Variants in IL1RL2 observed in about 807,000 individuals in gnomAD.
IL1RL2 encodes interleukin 1 receptor like 2, also known as interleukin-1 receptor-like 2.
A neutral mutation model predicts 66.8 loss-of-function variants in IL1RL2; 68 were observed. That is an observed-to-expected ratio of 1.02 (90% CI 0.84 to 1.25). IL1RL2 has a LOEUF of 1.25. Among genes scored for constraint, IL1RL2 ranks in the 50% most tolerant of loss-of-function variants. IL1RL2 has a pLI of 0.00. For missense variants in IL1RL2, 729 were observed against 709.3 expected (o/e 1.03, Z -0.32); for synonymous variants, 305 against 264.6 (o/e 1.15, Z -1.48).
Position 102,219,012 on chromosome 2 carries a change from T to C in IL1RL2, c.784T>C (p.Cys262Arg). 1 of 1,613,784 alleles carries C rather than the reference T, an allele frequency of 6.2e-7. No individual in the cohort carries two copies. Among genetic ancestry groups the C allele is most frequent in the Non-Finnish European group, 8.5e-7 (1 of 1,179,686 alleles). Reference sequence around the variant, plus strand: ...CACCAAGGATAATACAAATCTACGATGCTGGAGAGTCAATAACACTTTGGT... The same window carrying C: ...CACCAAGGATAATACAAATCTACGACGCTGGAGAGTCAATAACACTTTGGT... ...TDTKDNTNLR[C>R]WRVNNTLVDD... Residue 262 changes from cysteine (C) to arginine (R), a missense_variant, in exon 7 of 12, where the codon TGC (cysteine) becomes CGC (arginine). Physicochemically the swap from Cys to Arg is radical, Grantham distance 180. Coordinates refer to ENST00000264257, the MANE Select transcript of IL1RL2 (RefSeq NM_003854.4).
At chr2:102,227,794 G>GTGTCTCTCTCAC (rs919810193) in intron 9 of IL1RL2, among the ~76,000 whole-genome samples, 2 of 152,168 alleles carry the variant, frequency 1.3e-5, no homozygotes, top group African/African-American at 4.8e-5. Flanking sequence ...GCCCCATGGT[G>GTGTCTCTCTCAC]TGTCTCTCTC....
At chr2:102,195,625 CTT>C (rs70946677) in intron 4 of IL1RL2, among the ~76,000 whole-genome samples, 2,275 of 17,256 alleles carry the variant, frequency 0.13, 35 homozygotes, top group Admixed American at 0.17. Context: ...TTCTTTCTTT[CTT>C]TCTCTCTCTC....
chr2:102,220,584 T>C (rs1342583828), intron 8 of IL1RL2, among the ~76,000 whole-genome samples: 1 of 152,154 alleles, frequency 6.6e-6, no homozygotes. Flanking sequence ...AACTTTAAAT[T>C]CGTAACCTAT....
chr2:102,208,607 T>C (rs1321774974), intron 5 of IL1RL2, among the ~76,000 whole-genome samples: 8 of 152,366 alleles, frequency 5.3e-5, no homozygotes, highest in South Asian at 4.1e-4. Context: ...TTCAGAGTAC[T>C]AGGGGAGACT....
chr2:102,213,478 A>T (rs1689352463), intron 6 of IL1RL2, among the ~76,000 whole-genome samples: 1 of 152,192 alleles, frequency 6.6e-6, no homozygotes, highest in South Asian at 2.1e-4. Flanking sequence ...AAAACATCAC[A>T]TCGTACCCAT....
Position 102,201,585 on chromosome 2 carries a change from C to G in IL1RL2, c.519C>G (p.Phe173Leu). 1 of 1,613,998 alleles carries G rather than the reference C, an allele frequency of 6.2e-7. No individual in the cohort carries two copies. Among genetic ancestry groups the G allele is most frequent in the Non-Finnish European group, 8.5e-7 (1 of 1,179,962 alleles). ...GTAACGAGATTAAAGGGGAGCGGTT[C>G]ACTGTTTTGGAAACCAGGCTTTTGG... The part of the protein sequence containing the change: ...KDCNEIKGER[F>L]TVLETRLLVS... Residue 173 changes from phenylalanine (F) to leucine (L), a missense_variant, in exon 5 of 12, where the codon TTC becomes TTG. By Grantham distance (22) the Phe-to-Leu change is conservative (BLOSUM62 0). Coordinates refer to ENST00000264257, the MANE Select transcript of IL1RL2 (RefSeq NM_003854.4).
At chr2:102,194,959 C>T (rs1289124504) in intron 4 of IL1RL2, among the ~76,000 whole-genome samples, 1 of 151,886 alleles carries the variant, frequency 6.6e-6, no homozygotes, top group Non-Finnish European at 1.5e-5. Context: ...GCATTGTAGG[C>T]CGGATGGTCT....
intron 4 of IL1RL2, among the ~76,000 whole-genome samples, chr2:102,194,862 C>T (rs1314880610): frequency 6.6e-6 from 1 of 152,078 alleles, no homozygotes; most frequent in Non-Finnish European, 1.5e-5. Flanking sequence ...ACCCTTCTGC[C>T]TCAGCCTCCT....
In IL1RL2 at chr2:102,220,004, A is replaced by T. The variant is rs1364802084; in HGVS notation, c.978A>T (p.Ile326=). 1 of 1,611,696 alleles carries T rather than the reference A, an allele frequency of 6.2e-7. No individual in the cohort carries two copies. The highest frequency in any genetic ancestry group is 1.3e-5 in the African/African-American group (1 of 75,022). ...CTGGAGTGTCCACAGCATACATTATATTACAGCTCCCAGGTAATACTCCAG... is the reference window on the plus strand; with the variant it reads ...CTGGAGTGTCCACAGCATACATTATTTTACAGCTCCCAGGTAATACTCCAG... ...CHAGVSTAYI[I]LQLPAPDFRA... The change falls in exon 8 of 12, where the codon ATA becomes ATT. Residue 326 remains isoleucine (I), a synonymous_variant. Coordinates refer to ENST00000264257, the MANE Select transcript of IL1RL2 (RefSeq NM_003854.4).
intron 4 of IL1RL2, among the ~76,000 whole-genome samples, chr2:102,192,951 C>G (rs1334038729): frequency 6.6e-6 from 1 of 152,038 alleles, no homozygotes; most frequent in Non-Finnish European, 1.5e-5. Context: ...CTCATATATT[C>G]TGGAAAATTG....
At chr2:102,220,731 A>G (rs975064231) in intron 8 of IL1RL2, among the ~76,000 whole-genome samples, 3 of 137,750 alleles carry the variant, frequency 2.2e-5, no homozygotes. Context: ...GGCTAGCTAC[A>G]TGCAAGAGAG....
chr2:102,229,909 A>T (rs542057390), intron 9 of IL1RL2, among the ~76,000 whole-genome samples: 6 of 152,370 alleles, frequency 3.9e-5, no homozygotes, highest in African/African-American at 1.4e-4. Flanking sequence ...GAAACAGGGA[A>T]CAGGGAACAT....
intron 5 of IL1RL2, among the ~76,000 whole-genome samples, chr2:102,202,087 T>C (rs1688307361): frequency 1.3e-5 from 2 of 152,116 alleles, no homozygotes; most frequent in South Asian, 2.1e-4. Context: ...TGAATATTCC[T>C]GCGGGCCTTC....
chr2:102,235,998 C>A, intron 11 of IL1RL2: 1 of 948,126 alleles, frequency 1.1e-6, no homozygotes, highest in Non-Finnish European at 1.3e-6. Context: ...ACATGTCAAC[C>A]AGAATTCTGA....
intron 10 of IL1RL2, among the ~76,000 whole-genome samples, chr2:102,234,412 G>T (rs560584655): frequency 7.9e-5 from 12 of 151,692 alleles, no homozygotes; most frequent in African/African-American, 2.2e-4. Flanking sequence ...AGCCACAAAG[G>T]CTTCACAGAA....
intron 10 of IL1RL2, 48 bp from the exon 11 acceptor site, chr2:102,234,849 G>C: frequency 6.6e-7 from 1 of 1,522,424 alleles, no homozygotes; most frequent in Non-Finnish European, 9.0e-7. Context: ...TTAAGACCCG[G>C]GCTGTTTTAA....
intron 8 of IL1RL2, among the ~76,000 whole-genome samples, chr2:102,221,134 T>C (rs1263174830): frequency 6.6e-6 from 1 of 152,224 alleles, no homozygotes; most frequent in Non-Finnish European, 1.5e-5. Context: ...GGTTCATCTG[T>C]CACCACTGCC....
At chr2:102,224,445 T>A (rs189919958) in intron 8 of IL1RL2, among the ~76,000 whole-genome samples, 6 of 152,312 alleles carry the variant, frequency 3.9e-5, no homozygotes, top group Middle Eastern at 3.4e-3. Context: ...GAGGCCATTA[T>A]GTTAAGTGAA....
chr2:102,226,033 C>T lies in IL1RL2; in HGVS notation c.1127C>T (p.Thr376Ile), dbSNP rs1029536633. The change falls in exon 9 of 12, where the codon ACC becomes ATC. Residue 376 changes from threonine (T) to isoleucine (I), a missense_variant. Thr to Ile is a moderately conservative substitution (Grantham distance 89). Coordinates refer to ENST00000264257, the MANE Select transcript of IL1RL2 (RefSeq NM_003854.4). ...WYRSAFHSTETIVDGKLYDAY... is the reference protein window; with the variant it reads ...WYRSAFHSTEIIVDGKLYDAY... ...CGAAGTGCCTTCCATTCTACAGAGA[C>T]CATAGTAGGTAAGTGTGTGTAATCA... 3 of 1,593,924 alleles carry T rather than the reference C, an allele frequency of 1.9e-6. No homozygotes were observed. Among genetic ancestry groups the T allele is most frequent in the Admixed American group, 3.5e-5 (2 of 57,108 alleles).
Sources: gnomAD v4.1 joint callset for allele counts (sites outside exome capture counted in the v4.1 genomes callset) on GRCh38, gnomAD v4.1.1 for gene constraint, MANE v1.5 for transcripts, NCBI Gene and HGNC (gene_info 2026-07-23, HGNC 2026-07-21) for gene names.